Variants in PDSS2 observed in about 807,000 individuals in gnomAD.
The protein encoded by PDSS2 is all trans-polyprenyl-diphosphate synthase PDSS2.
Under a neutral mutation model 44.5 loss-of-function variants are expected in PDSS2, and 31 were observed. The observed-to-expected ratio is 0.70, with a 90% CI of 0.52 to 0.94. PDSS2 has a LOEUF of 0.94. PDSS2 is among the 40% of genes least tolerant of loss of function. The probability of loss-of-function intolerance (pLI) is 0.00; values close to 1 mark genes in which losing one functional copy is unlikely to be tolerated. For synonymous variants in PDSS2, 157 were observed against 180.3 expected (o/e 0.87, Z 1.03); for missense variants, 452 against 482.2 (o/e 0.94, Z 0.59).
chr6:107,290,828 C>A (rs971484232), intron 2 of PDSS2, among the ~76,000 whole-genome samples: 1 of 151,992 alleles, frequency 6.6e-6, no homozygotes, highest in African/African-American at 2.4e-5. Flanking sequence ...GCTTTTTTTC[C>A]CCTCCATAGC....
At chr6:107,286,820 C>CA (rs1347074178) in intron 2 of PDSS2, among the ~76,000 whole-genome samples, 8 of 152,048 alleles carry the variant, frequency 5.3e-5, no homozygotes, top group Non-Finnish European at 8.8e-5. Flanking sequence ...CAAGGTGGAT[C>CA]ATGAGGTCAA....
chr6:107,229,496 T>C (rs1582818844), intron 4 of PDSS2, among the ~76,000 whole-genome samples: 1 of 152,144 alleles, frequency 6.6e-6, no homozygotes, highest in African/African-American at 2.4e-5. Flanking sequence ...CTTTTCCTAT[T>C]TCTAATCTAC....
intron 1 of PDSS2, among the ~76,000 whole-genome samples, chr6:107,428,129 CAG>C (rs1439785594): frequency 4.6e-5 from 7 of 152,304 alleles, no homozygotes; most frequent in South Asian, 4.1e-4. Flanking sequence ...TAGTACACTG[CAG>C]AGACTCATAA....
In PDSS2 at chr6:107,154,778, C is replaced by T. The variant is rs201622517; in HGVS notation, c.1042-1G>A. On this transcript the variant is annotated splice_acceptor_variant, in intron 7 of 7. Transcript: ENST00000369037. LOFTEE classifies it high-confidence loss of function. ...TGCCAGCTTTGATTCTTTCTCGCAA[C>T]TGTTAAGAAACAAATGCATGATAAA... 6.2e-6 allele frequency: 10 copies of T among 1,614,006 alleles called. No homozygotes were observed. Among genetic ancestry groups the T allele is most frequent in the Non-Finnish European group, 8.5e-6 (10 of 1,179,910 alleles).
At chr6:107,229,098 T>C (rs1582818043) in intron 4 of PDSS2, among the ~76,000 whole-genome samples, 3 of 152,336 alleles carry the variant, frequency 2.0e-5, no homozygotes, top group East Asian at 1.9e-4. Context: ...TCTTAGAATA[T>C]ACACTTTTTT....
chr6:107,154,388 C>T lies in PDSS2; in HGVS notation c.*231G>A. 2.0e-6 allele frequency: 1 copy of T among 493,578 alleles called. No homozygotes were observed. The highest frequency in any genetic ancestry group is 5.7e-4 in the Middle Eastern group (1 of 1,744). The allele number at this position is 493,578 out of a possible 1,614,324, so 30.6% of individuals were successfully genotyped here. On this transcript the variant is annotated 3_prime_UTR_variant, in exon 8 of 8. Coordinates refer to ENST00000369037, the MANE Select transcript of PDSS2 (RefSeq NM_020381.4). The stretch of plus-strand genomic sequence containing the variant: ...ATCTCATTAATTATTTCTGCGACTG[C>T]AGCCTCAAGTGTGCTTCTGGCGTGA...
Position 107,365,976 on chromosome 6 carries a change from A to G in PDSS2, c.297-31644T>C, listed in dbSNP as rs574167582. On this transcript the variant is annotated intron_variant, in intron 1 of 7. Transcript: ENST00000369037. ...ATTCAATAATACTCTGCTTTCAATA[A>G]TTAATAGGACAACTACACAGAAACT... is the stretch of plus-strand genomic sequence containing the variant. Among the ~76,000 whole-genome samples the G allele has an allele frequency of 2.0e-5, 3 of 152,306 alleles. No homozygotes were observed. The South Asian group carries it at 6.2e-4, about 32-fold the overall frequency.
intron 1 of PDSS2, among the ~76,000 whole-genome samples, chr6:107,440,039 C>T (rs1781468934): frequency 6.6e-6 from 1 of 152,120 alleles, no homozygotes; most frequent in African/African-American, 2.4e-5. Context: ...GGGACAGTGG[C>T]TATACATGTG....
intron 3 of PDSS2, among the ~76,000 whole-genome samples, chr6:107,252,380 C>T (rs1774850741): frequency 6.6e-6 from 1 of 152,020 alleles, no homozygotes; most frequent in African/African-American, 2.4e-5. Context: ...TTCAGTACTG[C>T]CAAATGTGTA....
intron 1 of PDSS2, among the ~76,000 whole-genome samples, chr6:107,379,578 GCT>G (rs1295570156): frequency 2.6e-5 from 4 of 152,076 alleles, no homozygotes; most frequent in Non-Finnish European, 4.4e-5. Context: ...AAATGTGGTT[GCT>G]GTGTTATTTG....
chr6:107,346,655 G>A (rs1293443880), intron 1 of PDSS2, among the ~76,000 whole-genome samples: 2 of 152,052 alleles, frequency 1.3e-5, no homozygotes, highest in Non-Finnish European at 2.9e-5. Flanking sequence ...TCCAATAAGC[G>A]AGAGACCTGG....
chr6:107,267,529 GGA>G (rs1203746740), intron 3 of PDSS2, among the ~76,000 whole-genome samples: 3 of 151,870 alleles, frequency 2.0e-5, no homozygotes, highest in Non-Finnish European at 2.9e-5. Flanking sequence ...TATGCATAAA[GGA>G]GAGAGACATT....
intron 1 of PDSS2, among the ~76,000 whole-genome samples, chr6:107,369,141 C>T (rs1050931758): frequency 2.0e-5 from 3 of 152,148 alleles, no homozygotes; most frequent in Admixed American, 6.5e-5. Flanking sequence ...CAGAACAGGC[C>T]GGGCAAAGTG....
At chr6:107,198,357 C>T (rs929701598) in intron 6 of PDSS2, among the ~76,000 whole-genome samples, 10 of 152,080 alleles carry the variant, frequency 6.6e-5, no homozygotes, top group Non-Finnish European at 1.0e-4. Flanking sequence ...ATGACAACAC[C>T]GTTACCACAG....
chr6:107,289,272 C>T (rs1424685729), intron 2 of PDSS2, among the ~76,000 whole-genome samples: 1 of 151,082 alleles, frequency 6.6e-6, no homozygotes, highest in Non-Finnish European at 1.5e-5. Context: ...ACTCAGGAGG[C>T]TGAGGCAGGA....
At chr6:107,311,798 A>C (rs1026183263) in intron 2 of PDSS2, among the ~76,000 whole-genome samples, 2 of 152,226 alleles carry the variant, frequency 1.3e-5, no homozygotes, top group Non-Finnish European at 2.9e-5. Flanking sequence ...CCATATAAAG[A>C]GGCTGTGACT....
Position 107,225,226 on chromosome 6 carries a change from CAGT to C in PDSS2, c.703-12947_703-12945del, listed in dbSNP as rs1172144293. Among the ~76,000 whole-genome samples, 4 of 123,918 alleles carry C rather than the reference CAGT, an allele frequency of 3.2e-5. No individual in the cohort carries two copies. In the East Asian group the frequency reaches 9.2e-4, roughly 29 times the overall value. 81.3% of individuals were successfully genotyped at this position (123,918 alleles called of 152,430 possible). ...TCACTCTGTTGCCCAGGCTGGAGTG[CAGT>C]GGCATGATCTTGGGCTCACTGCAAC... On this transcript the variant is annotated intron_variant, in intron 4 of 7. Transcript: ENST00000369037.
At chr6:107,323,855 A>C (rs573722851) in intron 2 of PDSS2, among the ~76,000 whole-genome samples, 32 of 152,328 alleles carry the variant, frequency 2.1e-4, no homozygotes, top group African/African-American at 7.5e-4. Context: ...TAACAAAAAC[A>C]ATTTATGCAG....
intron 1 of PDSS2, among the ~76,000 whole-genome samples, chr6:107,336,723 T>C (rs9386633): frequency 0.15 from 22,833 of 151,764 alleles, 2,071 homozygotes; most frequent in East Asian, 0.26. Flanking sequence ...TTCTTATTTA[T>C]GTATTACCTA....
Sources: allele counts gnomAD v4.1 joint callset (sites outside exome capture counted in the v4.1 genomes callset), GRCh38; gene constraint gnomAD v4.1.1; transcripts MANE v1.5; gene names NCBI Gene and HGNC (gene_info 2026-07-23, HGNC 2026-07-21).